Variants in CDR2 observed in about 807,000 individuals in gnomAD.
CDR2 encodes cerebellar degeneration-related protein 2.
Under a neutral mutation model 48.4 loss-of-function variants are expected in CDR2, and 34 were observed. The observed-to-expected ratio is 0.70, with a 90% CI of 0.53 to 0.94. The LOEUF is 0.94. Ranked by LOEUF, CDR2 falls within the 40% of genes least tolerant of loss-of-function variation. The pLI, the probability that CDR2 is intolerant of heterozygous loss-of-function variation, is 0.00. For synonymous variants in CDR2, 240 were observed against 219.7 expected, an observed-to-expected ratio of 1.09 and a Z score of -0.82; for missense variants, 498 against 549.5, an observed-to-expected ratio of 0.91 and a Z score of 0.94.
At chr16:22,354,416 T>C (rs751602729) in intron 2 of CDR2, among the ~76,000 whole-genome samples, 14 of 152,238 alleles carry the variant, frequency 9.2e-5, no homozygotes, top group Non-Finnish European at 1.9e-4. Flanking sequence ...ATTTTAACTG[T>C]ACCACAGCAG....
At chr16:22,368,354 C>A (rs2049056016) in intron 1 of CDR2, among the ~76,000 whole-genome samples, 1 of 152,098 alleles carries the variant, frequency 6.6e-6, no homozygotes, top group Non-Finnish European at 1.5e-5. Flanking sequence ...GGATTACAGG[C>A]ACCCACCACC....
intron 2 of CDR2, among the ~76,000 whole-genome samples, chr16:22,356,953 G>GAAAAAAAA (rs1162529433): frequency 3.4e-5 from 3 of 87,510 alleles, no homozygotes; most frequent in Non-Finnish European, 4.6e-5. Context: ...AAAAAAAAAA[G>GAAAAAAAA]AAAAAAAAAA....
intron 2 of CDR2, among the ~76,000 whole-genome samples, chr16:22,362,447 A>C (rs1013583493): frequency 6.6e-6 from 1 of 152,200 alleles, no homozygotes; most frequent in African/African-American, 2.4e-5. Context: ...CATTCTCCCA[A>C]CTTACAAATA....
intron 2 of CDR2, among the ~76,000 whole-genome samples, chr16:22,354,217 A>G (rs937950223): frequency 6.6e-6 from 1 of 152,196 alleles, no homozygotes; most frequent in Non-Finnish European, 1.5e-5. Context: ...TCCAGAGATC[A>G]CACTTAGAGA....
chr16:22,368,477 T>TG (rs1018176669), intron 1 of CDR2, among the ~76,000 whole-genome samples: 3 of 152,218 alleles, frequency 2.0e-5, no homozygotes, highest in Non-Finnish European at 4.4e-5. Context: ...CCCCAAGTGC[T>TG]GGGGATTATA....
chr16:22,354,845 G>C (rs116898881), intron 2 of CDR2, among the ~76,000 whole-genome samples: 1,583 of 152,262 alleles, frequency 0.01, 15 homozygotes, highest in Non-Finnish European at 0.016. Context: ...AGTGAGATAA[G>C]ATCACACCAT....
At chr16:22,370,954 T>C (rs1363824868) in intron 1 of CDR2, among the ~76,000 whole-genome samples, 1 of 152,236 alleles carries the variant, frequency 6.6e-6, no homozygotes, top group Non-Finnish European at 1.5e-5. Context: ...GGTTCACGCC[T>C]GTAATCCCAG....
intron 2 of CDR2, among the ~76,000 whole-genome samples, chr16:22,362,357 T>TA (rs891373347): frequency 6.6e-6 from 1 of 152,252 alleles, no homozygotes; most frequent in African/African-American, 2.4e-5. Flanking sequence ...ACCAATGATC[T>TA]AGCTTAAATG....
chr16:22,368,056 T>C (rs896052218), intron 1 of CDR2, among the ~76,000 whole-genome samples: 4 of 152,048 alleles, frequency 2.6e-5, no homozygotes, highest in African/African-American at 9.7e-5. Context: ...ATTACATCTC[T>C]ACCAAAAATA....
chr16:22,352,417 GAACA>G (rs1393347814), intron 2 of CDR2, among the ~76,000 whole-genome samples: 1 of 151,634 alleles, frequency 6.6e-6, no homozygotes, highest in Admixed American at 6.6e-5. Flanking sequence ...GCAAAGAGTT[GAACA>G]AACACTTAAC....
At chr16:22,348,813 G>A (rs1012165784) in intron 4 of CDR2, among the ~76,000 whole-genome samples, 3 of 152,178 alleles carry the variant, frequency 2.0e-5, no homozygotes, top group African/African-American at 7.2e-5. Flanking sequence ...GCTCACAGGG[G>A]TAGAAACTAT....
At chr16:22,370,836 G>T (rs1452828010) in intron 1 of CDR2, among the ~76,000 whole-genome samples, 1 of 152,178 alleles carries the variant, frequency 6.6e-6, no homozygotes, top group Non-Finnish European at 1.5e-5. Flanking sequence ...TTGATACAAA[G>T]ATTCAATCTA....
At chr16:22,372,946 T>G (rs1161262347) in intron 1 of CDR2, among the ~76,000 whole-genome samples, 2 of 152,240 alleles carry the variant, frequency 1.3e-5, no homozygotes, top group Admixed American at 1.3e-4. Context: ...ATGTTAATTT[T>G]CATTGCAAGA....
intron 1 of CDR2, among the ~76,000 whole-genome samples, chr16:22,369,467 G>A (rs527730452): frequency 6.6e-6 from 1 of 152,178 alleles, no homozygotes; most frequent in East Asian, 1.9e-4. Context: ...GCACTCTTTA[G>A]TAGATAGCAA....
At chr16:22,370,984 G>A (rs1020262826) in intron 1 of CDR2, among the ~76,000 whole-genome samples, 1 of 152,146 alleles carries the variant, frequency 6.6e-6, no homozygotes, top group Non-Finnish European at 1.5e-5. Context: ...AGGCCGAGGC[G>A]GGTAAATCAC....
intron 1 of CDR2, among the ~76,000 whole-genome samples, chr16:22,372,153 A>C (rs1324185692): frequency 6.6e-6 from 1 of 152,136 alleles, no homozygotes; most frequent in Non-Finnish European, 1.5e-5. Context: ...TACAGGCATG[A>C]GTCACTGCGC....
chr16:22,361,413 AG>A (rs2049009811), intron 2 of CDR2, among the ~76,000 whole-genome samples: 1 of 152,248 alleles, frequency 6.6e-6, no homozygotes, highest in African/African-American at 2.4e-5. Context: ...AACATATGCA[AG>A]GGTCATTGTT....
intron 2 of CDR2, among the ~76,000 whole-genome samples, chr16:22,359,178 A>G (rs1041108324): frequency 6.6e-6 from 1 of 151,816 alleles, no homozygotes; most frequent in Non-Finnish European, 1.5e-5. Flanking sequence ...CTCAGGCTGG[A>G]CTGCAGTGGC....
intron 1 of CDR2, among the ~76,000 whole-genome samples, chr16:22,372,657 T>G (rs1219899690): frequency 6.6e-6 from 1 of 152,146 alleles, no homozygotes; most frequent in African/African-American, 2.4e-5. Flanking sequence ...GAAAACAGGT[T>G]TGTTAATATG....
Sources: gnomAD v4.1 joint callset for allele counts (sites outside exome capture counted in the v4.1 genomes callset) on GRCh38, gnomAD v4.1.1 for gene constraint, MANE v1.5 for transcripts, NCBI Gene and HGNC (gene_info 2026-07-23, HGNC 2026-07-21) for gene names.